Variants in MYO1F observed in about 807,000 individuals in gnomAD.
MYO1F encodes myosin IF, also known as unconventional myosin-If.
A neutral mutation model predicts 146.6 loss-of-function variants in MYO1F; 60 were observed. The ratio of observed to expected loss-of-function variants is 0.41; its 90% CI spans 0.33 to 0.51. The LOEUF (loss-of-function observed/expected upper bound fraction) is 0.51. Among genes scored for constraint, MYO1F ranks in the 20% least tolerant of loss-of-function variants. MYO1F has a pLI of 0.25. For missense variants in MYO1F, 1,274 were observed against 1,534.3 expected (o/e 0.83, Z 2.83); for synonymous variants, 602 against 602.1 (o/e 1.00, Z 0.00).
chr19:8,562,291 G>A (rs931503449), intron 1 of MYO1F, among the ~76,000 whole-genome samples: 6 of 151,854 alleles, frequency 4.0e-5, no homozygotes, highest in Admixed American at 1.3e-4. Context: ...ATGAGCCACC[G>A]CACCGGCCCT....
intron 14 of MYO1F, among the ~76,000 whole-genome samples, chr19:8,543,654 CTGGTGGTGGTGGTGG>C (rs1266851158): frequency 1.1e-5 from 1 of 87,534 alleles, no homozygotes; most frequent in Non-Finnish European, 2.3e-5. Flanking sequence ...GGTGGTGGTG[CTGGTGGTGGTGGTGG>C]TGGTGCTGGT....
At chr19:8,527,270 T>C (rs1222394701) in intron 22 of MYO1F, 68 bp downstream of exon 22, 38 of 1,602,372 alleles carry the variant, frequency 2.4e-5, no homozygotes, top group African/African-American at 4.0e-5. Flanking sequence ...ACAGACGGGG[T>C]CACTAGAATG....
At chr19:8,555,010 C>T (rs1325521270) in intron 2 of MYO1F, among the ~76,000 whole-genome samples, 1 of 151,970 alleles carries the variant, frequency 6.6e-6, no homozygotes, top group Non-Finnish European at 1.5e-5. Flanking sequence ...ATGGTGAAAC[C>T]TTGTCTCCAC....
chr19:8,523,091 G>A (rs1235416256), intron 25 of MYO1F, among the ~76,000 whole-genome samples: 5 of 151,504 alleles, frequency 3.3e-5, no homozygotes. Context: ...GAGTGCAGTG[G>A]CGCGATCTCG....
At chr19:8,568,866 A>T (rs2042057767) in intron 1 of MYO1F, among the ~76,000 whole-genome samples, 1 of 152,114 alleles carries the variant, frequency 6.6e-6, no homozygotes, top group African/African-American at 2.4e-5. Context: ...GGTTGCAGTG[A>T]GCCAAGATTA....
At chr19:8,565,529 C>T (rs950853670) in intron 1 of MYO1F, among the ~76,000 whole-genome samples, 9 of 151,100 alleles carry the variant, frequency 6.0e-5, no homozygotes, top group Non-Finnish European at 1.2e-4. Context: ...GCAACAAGTG[C>T]GAAACTCTGT....
intron 4 of MYO1F, among the ~76,000 whole-genome samples, chr19:8,553,892 ACACTCTCTCT>A (rs1233726648): frequency 9.5e-5 from 10 of 105,162 alleles, no homozygotes; most frequent in African/African-American, 3.2e-4. Context: ...ACACACACAC[ACACTCTCTCT>A]CTCTCTCTCT....
intron 1 of MYO1F, among the ~76,000 whole-genome samples, chr19:8,570,586 T>C (rs2042090372): frequency 6.6e-6 from 1 of 151,928 alleles, no homozygotes. Flanking sequence ...AGGCTGGTCT[T>C]GAACTCCTGA....
chr19:8,553,218 T>C lies in MYO1F; in HGVS notation c.425A>G (p.Asp142Gly), dbSNP rs1441164729. 4 of 1,614,014 alleles carry C rather than the reference T, an allele frequency of 2.5e-6. No homozygotes were observed. The African/African-American group carries it at 5.3e-5, about 22-fold the overall frequency. ...CAGCGGGTTGGACTGCAGGATGATA[T>C]CTTTGACGTGCTGGGGCAGAGGCAG... Reference protein sequence around the residue: ...GGGEKVQHVKDIILQSNPLLE... With the variant: ...GGGEKVQHVKGIILQSNPLLE... The change falls in exon 6 of 28, where the codon GAT becomes GGT. Residue 142 changes from aspartate (D) to glycine (G), a missense_variant. This residue lies in a region of MYO1F where 900 missense variants were observed against 1,155.1 expected (regional missense o/e 0.78). Transcript: ENST00000644032.
intron 24 of MYO1F, among the ~76,000 whole-genome samples, chr19:8,525,848 C>T (rs1254845468): frequency 6.6e-6 from 1 of 152,206 alleles, no homozygotes; most frequent in Non-Finnish European, 1.5e-5. Context: ...CTACATTTCT[C>T]GCCCCCGCAT....
intron 1 of MYO1F, among the ~76,000 whole-genome samples, chr19:8,564,958 A>G (rs1286555698): frequency 6.6e-6 from 1 of 151,586 alleles, no homozygotes; most frequent in East Asian, 1.9e-4. Flanking sequence ...TTTTTAGTAG[A>G]GACAGGATTT....
At chr19:8,551,154 C>T (rs1319355955) in intron 8 of MYO1F, among the ~76,000 whole-genome samples, 2 of 151,728 alleles carry the variant, frequency 1.3e-5, no homozygotes, top group Admixed American at 6.6e-5. Flanking sequence ...CGGGTTTAAG[C>T]GATTCTCCTG....
chr19:8,536,172 TC>T, intron 19 of MYO1F, 79 bp downstream of exon 19: 5 of 1,530,536 alleles, frequency 3.3e-6, no homozygotes, highest in Non-Finnish European at 4.5e-6. Context: ...CCTCTGTCTC[TC>T]TCTCTCTCTC....
intron 22 of MYO1F, 89 bp downstream of exon 22, chr19:8,527,249 T>C (rs1425265893): frequency 1.3e-5 from 20 of 1,562,300 alleles, no homozygotes; most frequent in East Asian, 4.6e-5. Context: ...CCAGGTAAGA[T>C]TGTCAGGGTA....
At chr19:8,550,378 CA>C (rs772093432) in intron 9 of MYO1F, 22 bp from the exon 10 acceptor site, 2 of 1,602,858 alleles carry the variant, frequency 1.2e-6, no homozygotes, top group South Asian at 1.1e-5. Flanking sequence ...AAGGTCAGGG[CA>C]AAAATGGGAC....
chr19:8,548,205 A>C, intron 11 of MYO1F, 32 bp downstream of exon 11: 1 of 1,613,234 alleles, frequency 6.2e-7, no homozygotes, highest in Non-Finnish European at 8.5e-7. Context: ...CCCAGGGAGG[A>C]CAGGATGTGG....
chr19:8,570,187 C>T (rs2042082709), intron 1 of MYO1F, among the ~76,000 whole-genome samples: 1 of 152,090 alleles, frequency 6.6e-6, no homozygotes, highest in Admixed American at 6.6e-5. Flanking sequence ...ATTCTCCTGC[C>T]TCAGCCTCCC....
chr19:8,526,781 G>A lies in MYO1F; in HGVS notation c.2621+8C>T. On this transcript the variant is annotated splice_region_variant and intron_variant, in intron 23 of 27. Transcript: ENST00000644032. ...CCCGAGATGGTGCTGGGGTTGGCGGGGCCGTACGTGTCGCTGAAGGTGAGG... is the reference window on the plus strand; with the variant it reads ...CCCGAGATGGTGCTGGGGTTGGCGGAGCCGTACGTGTCGCTGAAGGTGAGG... 1 of 1,604,980 alleles carries A rather than the reference G, an allele frequency of 6.2e-7. No individual in the cohort carries two copies.
At chr19:8,571,297 T>TG (rs1300588661) in intron 1 of MYO1F, among the ~76,000 whole-genome samples, 3 of 152,190 alleles carry the variant, frequency 2.0e-5, no homozygotes, top group African/African-American at 7.2e-5. Flanking sequence ...CCCAGCTCAG[T>TG]GGGGCTCTGG....
Sources: allele counts gnomAD v4.1 joint callset (sites outside exome capture counted in the v4.1 genomes callset), GRCh38; gene constraint gnomAD v4.1.1; regional missense constraint gnomAD v4.1.1; transcripts MANE v1.5; gene names NCBI Gene and HGNC (gene_info 2026-07-23, HGNC 2026-07-21).